RSRP1: variants seen among roughly 807,000 people sequenced by gnomAD.
The protein encoded by RSRP1 is arginine and serine rich protein 1.
In RSRP1, 37 loss-of-function variants were observed where a neutral mutation model predicts 33.0. The ratio of observed to expected loss-of-function variants is 1.12; its 90% CI spans 0.86 to 1.48. The LOEUF is 1.48. Among genes scored for constraint, RSRP1 ranks in the 40% most tolerant of loss-of-function variants. RSRP1 has a pLI of 0.00. For missense variants in RSRP1, 402 were observed against 385.3 expected (o/e 1.04, Z -0.36); for synonymous variants, 167 against 158.7 (o/e 1.05, Z -0.40).
intron 1 of RSRP1, among the ~76,000 whole-genome samples, chr1:25,261,551 C>G (rs1353810564): frequency 6.6e-6 from 1 of 151,734 alleles, no homozygotes; most frequent in Admixed American, 6.6e-5. Context: ...CCTACAGGCG[C>G]CCGCCACCCT....
chr1:25,301,536 G>T (rs1411354666), intron 1 of RSRP1: 2 of 1,378,644 alleles, frequency 1.5e-6, no homozygotes, highest in East Asian at 4.5e-5. Flanking sequence ...TCTTCTTGTG[G>T]ATGTTCTGGC....
chr1:25,245,120 G>GT, intron 3 of RSRP1, 30 bp downstream of exon 3: 1 of 1,614,120 alleles, frequency 6.2e-7, no homozygotes, highest in Non-Finnish European at 8.5e-7. Flanking sequence ...CTTTCTGAAA[G>GT]TTTTGTTCCG....
At chr1:25,328,855 T>C (rs948060536) in intron 1 of RSRP1, 3 of 966,688 alleles carry the variant, frequency 3.1e-6, no homozygotes, top group African/African-American at 1.9e-5. Flanking sequence ...AAAATCAGTA[T>C]GTGGGTTCAT....
chr1:25,270,153 A>G (rs1312864111), intron 1 of RSRP1, among the ~76,000 whole-genome samples: 1 of 132,010 alleles, frequency 7.6e-6, no homozygotes, highest in African/African-American at 2.6e-5. Context: ...TAGAGCAGAA[A>G]TGAGAACCAG....
In RSRP1 at chr1:25,290,696, T is replaced by C. The variant is rs1359213179; in HGVS notation, c.-66-43667A>G. ...GGTGCTGATCTCAGTGGATGCTGTC[T>C]TGGGGAAGGTCAACTTGGCGCAGTT... On this transcript the variant is annotated intron_variant, in intron 1 of 1. Coordinates refer to the RSRP1 transcript ENST00000561867. 81 of 1,377,988 alleles carry C rather than the reference T, an allele frequency of 5.9e-5. 19 individuals are homozygous for C. Among genetic ancestry groups the C allele is most frequent in the Non-Finnish European group, 8.0e-5 (78 of 978,194 alleles). 85.4% of individuals were successfully genotyped at this position (1,377,988 alleles called of 1,614,324 possible).
At position 25,314,269 on chromosome 1, in the gene RSRP1, T is replaced by C. The variant is rs183095916; in HGVS notation, c.-67+23709A>G. Among the ~76,000 whole-genome samples the C allele has an allele frequency of 2.3e-4, 31 of 133,148 alleles. 3 individuals are homozygous for C. In the East Asian group the frequency reaches 4.7e-3, roughly 20 times the overall value. 87.4% of individuals were successfully genotyped at this position (133,148 alleles called of 152,430 possible). A position where few individuals can be genotyped will look rare whatever the true frequency, so the allele number is the denominator to read the frequency against. ...TGGTGTTTTCCTTCTTTTTGATTAG[T>C]CATTTAGCAATCAAACCTATTGTTT... On this transcript the variant is annotated intron_variant, in intron 1 of 1. Coordinates refer to the RSRP1 transcript ENST00000561867.
At chr1:25,263,105 G>A (rs1212584465) in intron 1 of RSRP1, among the ~76,000 whole-genome samples, 1 of 152,144 alleles carries the variant, frequency 6.6e-6, no homozygotes, top group Non-Finnish European at 1.5e-5. Context: ...TGAATGAAGT[G>A]AAGAAGTGAG....
At position 25,314,060 on chromosome 1, in the gene RSRP1, T is replaced by C. The variant is rs1644301240; in HGVS notation, c.-67+23918A>G. Among the ~76,000 whole-genome samples, 3 of 132,984 alleles carry C rather than the reference T, an allele frequency of 2.3e-5. 1 individual carries two copies. The South Asian group carries it at 6.9e-4, about 30-fold the overall frequency. 87.2% of individuals were successfully genotyped at this position (132,984 alleles called of 152,430 possible). A position where few individuals can be genotyped will look rare whatever the true frequency, so the allele number is the denominator to read the frequency against. On this transcript the variant is annotated intron_variant, in intron 1 of 1. Transcript: ENST00000561867. The stretch of plus-strand genomic sequence containing the variant: ...GCTCCTATGAACATTCTAGCACTTT[T>C]ATTTTTGGAGCACACGAATGCACTT...
Position 25,276,935 on chromosome 1 carries a change from C to T in RSRP1, c.-66-29906G>A, listed in dbSNP as rs1400249347. On this transcript the variant is annotated intron_variant, in intron 1 of 1. Transcript: ENST00000561867. The stretch of plus-strand genomic sequence containing the variant: ...CAAAAAAATTAGCCGGGTGTGGTGG[C>T]GGGTGCCTGTAGTCCCAGCTACTTG... 2.3e-5 allele frequency among the ~76,000 whole-genome samples: 3 copies of T among 130,470 alleles called. 1 individual carries two copies. The highest frequency in any genetic ancestry group is 1.5e-4 in the Admixed American group (2 of 13,402). 85.6% of individuals were successfully genotyped at this position (130,470 alleles called of 152,430 possible). A position where few individuals can be genotyped will look rare whatever the true frequency, so the allele number is the denominator to read the frequency against.
At chr1:25,309,201 AC>A (rs1644011004) in intron 1 of RSRP1, among the ~76,000 whole-genome samples, 1 of 131,948 alleles carries the variant, frequency 7.6e-6, no homozygotes. Flanking sequence ...TGTGATCAGA[AC>A]CAGGATGGAG....
chr1:25,244,537 A>C (rs1418136998), intron 3 of RSRP1: 1 of 1,289,176 alleles, frequency 7.8e-7, no homozygotes, highest in Non-Finnish European at 1.0e-6. Context: ...TATACTGTAT[A>C]TGCTGAGTAC....
Position 25,315,409 on chromosome 1 carries a change from G to A in RSRP1, c.-67+22569C>T, listed in dbSNP as rs1176605617. 3.9e-5 allele frequency among the ~76,000 whole-genome samples: 5 copies of A among 129,832 alleles called. 2 individuals are homozygous for A. Among genetic ancestry groups the A allele is most frequent in the South Asian group, 2.4e-4 (1 of 4,246 alleles). The allele number at this position is 129,832 out of a possible 152,430, so 85.2% of individuals were successfully genotyped here. On this transcript the variant is annotated intron_variant, in intron 1 of 1. Coordinates refer to the RSRP1 transcript ENST00000561867. ...AGGGGGGATGGCTGCCTGAATGGTT[G>A]GGCAGGTAGTTGTTGACATCTGCAC...
At chr1:25,268,068 A>G (rs796781343) in intron 1 of RSRP1, among the ~76,000 whole-genome samples, 2 of 133,710 alleles carry the variant, frequency 1.5e-5, no homozygotes, top group African/African-American at 5.1e-5. Flanking sequence ...TGGGTCCGTG[A>G]TTGGCATTCC....
Position 25,264,119 on chromosome 1 carries a change from T to A in RSRP1, c.-66-17090A>T, listed in dbSNP as rs528670516. Reference sequence around the variant, plus strand: ...TGCTTTCATGGGCTGGCATTGAGTGTCTGCAGCTTTTCCAGGTACACGGTG... The same window carrying A: ...TGCTTTCATGGGCTGGCATTGAGTGACTGCAGCTTTTCCAGGTACACGGTG... On this transcript the variant is annotated intron_variant, in intron 1 of 1. Coordinates refer to the RSRP1 transcript ENST00000561867. Among the ~76,000 whole-genome samples the A allele has an allele frequency of 2.3e-3, 349 of 151,188 alleles. 1 individual carries two copies. The highest frequency in any genetic ancestry group is 8.3e-3 in the African/African-American group (338 of 40,528).
chr1:25,302,249 C>A (rs541013633), intron 1 of RSRP1, among the ~76,000 whole-genome samples: 1 of 129,306 alleles, frequency 7.7e-6, no homozygotes, highest in East Asian at 2.0e-4. Context: ...TAAAGAGAGA[C>A]GATGGTGTGT....
chr1:25,282,338 G>A (rs570410728), intron 1 of RSRP1, among the ~76,000 whole-genome samples: 3 of 131,184 alleles, frequency 2.3e-5, no homozygotes, highest in South Asian at 2.4e-4. Flanking sequence ...GGGTTCAAGC[G>A]ATTCTCCTGC....
rs1189178432 is a variant in RSRP1, at chr1:25,319,741, T to C, written c.-67+18237A>G. Among the ~76,000 whole-genome samples the C allele has an allele frequency of 3.8e-5, 5 of 132,284 alleles. 1 individual carries two copies. The highest frequency in any genetic ancestry group is 5.4e-5 in the Non-Finnish European group (3 of 55,810). The allele number at this position is 132,284 out of a possible 152,430, so 86.8% of individuals were successfully genotyped here. A position where few individuals can be genotyped will look rare whatever the true frequency, so the allele number is the denominator to read the frequency against. ...TGAGCCCTCTATGGGCCTGTCTGTA[T>C]TTATTTAAGAAACAATCCTATCAAG... On this transcript the variant is annotated intron_variant, in intron 1 of 1. Transcript: ENST00000561867.
chr1:25,245,692 A>G (rs1448475635), intron 2 of RSRP1, among the ~76,000 whole-genome samples: 1 of 152,148 alleles, frequency 6.6e-6, no homozygotes, highest in African/African-American at 2.4e-5. Flanking sequence ...AATTATCTCA[A>G]CAATTAGTTT....
rs532170676 is a variant in RSRP1 at position 25,255,313 on chromosome 1, G to C, written c.-66-8284C>G. On this transcript the variant is annotated intron_variant, in intron 1 of 1. Transcript: ENST00000561867. Reference sequence around the variant, plus strand: ...CCAAATCCTTTCACGGCCTCTACTTGATCATACTTAATTTTTGCAACTTTG... The same window carrying C: ...CCAAATCCTTTCACGGCCTCTACTTCATCATACTTAATTTTTGCAACTTTG... Among the ~76,000 whole-genome samples, 3 of 152,218 alleles carry C rather than the reference G, an allele frequency of 2.0e-5. No homozygotes were observed. In the East Asian group the frequency reaches 5.8e-4, roughly 29 times the overall value.
Sources: allele counts gnomAD v4.1 joint callset (sites outside exome capture counted in the v4.1 genomes callset), GRCh38; gene constraint gnomAD v4.1.1; transcripts MANE v1.5; gene names NCBI Gene and HGNC (gene_info 2026-07-23, HGNC 2026-07-21).